The following ECE2 variants were observed in gnomAD, a reference collection of about 807,000 sequenced individuals.
ECE2 encodes endothelin-converting enzyme 2.
A neutral mutation model predicts 100.6 loss-of-function variants in ECE2; 81 were observed. The observed-to-expected ratio is 0.81, with a 90% confidence interval of 0.67 to 0.97. ECE2 has a LOEUF of 0.97. ECE2 is among the 50% of genes least tolerant of loss of function. ECE2 has a pLI of 0.00. For missense variants in ECE2, 911 were observed against 988.1 expected, an observed-to-expected ratio of 0.92 and a Z score of 1.05; for synonymous variants, 391 against 391.5, an observed-to-expected ratio of 1.00 and a Z score of 0.02.
At position 184,285,502 on chromosome 3, in the gene ECE2, G is replaced by A. The variant is rs757330119; in HGVS notation, c.1173G>A (p.Trp391Ter). The A allele has an allele frequency of 1.2e-6, 2 of 1,614,074 alleles. No individual in the cohort carries two copies. The highest frequency in any genetic ancestry group is 1.7e-6 in the Non-Finnish European group (2 of 1,180,012). Residue 391 changes from tryptophan (W) to a stop codon, truncating the protein, a stop_gained, in exon 10 of 19, where the codon TGG becomes TGA. Transcript: ENST00000404464. LOFTEE classifies it high-confidence loss of function. ...EPSILNNYLI[W>*]NLVQKTTSSL... is the part of the protein sequence containing the mutation. ...GCATCCTGAACAATTACCTGATCTG[G>A]AACCTGGTGCAAAAGACAACCTCAA...
In ECE2 at chr3:184,277,407, G is replaced by C. The variant is rs755611900; in HGVS notation, c.419G>C (p.Arg140Pro). Residue 140 changes from arginine to proline, a missense_variant, in exon 4 of 19, where the codon CGC (arginine) becomes CCC (proline). Arg to Pro is a moderately radical substitution (Grantham distance 103). Coordinates refer to ENST00000404464, the MANE Select transcript of ECE2 (RefSeq NM_001100121.2). ...AACCCCCTGCCCGATGGGCGTTCTC[G>C]CTGGAACACCTTCAACAGCCTCTGG... The part of the protein sequence containing the change: ...RRNPLPDGRS[R>P]WNTFNSLWDQ... The C allele has an allele frequency of 2.0e-5, 33 of 1,614,208 alleles. No homozygotes were observed. Among genetic ancestry groups the C allele is most frequent in the Middle Eastern group, 1.6e-4 (1 of 6,062 alleles).
intron 4 of ECE2, among the ~76,000 whole-genome samples, chr3:184,277,692 T>C (rs1720627715): frequency 6.6e-6 from 1 of 150,680 alleles, no homozygotes; most frequent in African/African-American, 2.5e-5. Flanking sequence ...TGCACTCTGT[T>C]TGGAGCACTG....
intron 3 of ECE2, 30 bp from the exon 4 acceptor site, chr3:184,277,221 C>T (rs1490740958): frequency 1.2e-6 from 2 of 1,613,174 alleles, no homozygotes; most frequent in Non-Finnish European, 1.7e-6. Flanking sequence ...CTGACAGTCT[C>T]CTACCCTCCG....
At chr3:184,284,426 C>G (rs919091578) in intron 8 of ECE2, among the ~76,000 whole-genome samples, 12 of 151,662 alleles carry the variant, frequency 7.9e-5, no homozygotes, top group Non-Finnish European at 1.3e-4. Flanking sequence ...CCTGTAATCC[C>G]AGCTACTCGG....
In ECE2 at chr3:184,276,118, CG is replaced by C; in HGVS notation, c.-33del. On this transcript the variant is annotated 5_prime_UTR_variant, in exon 1 of 19. The change abolishes the stop of an existing upstream ORF in the 5' untranslated region. Transcript: ENST00000404464. ...CGCGGCCCGGGAGCGGGCCAGCTGC[CG>C]GGAGCCCTGAATCACCGCCTGGCCC... is the stretch of plus-strand genomic sequence containing the variant. 7.6e-7 allele frequency: 1 copy of C among 1,310,154 alleles called. No individual in the cohort carries two copies. The highest frequency in any genetic ancestry group is 3.7e-5 in the Admixed American group (1 of 26,820). The allele number at this position is 1,310,154 out of a possible 1,614,324, so 81.2% of individuals were successfully genotyped here. A position where few individuals can be genotyped will look rare whatever the true frequency, so the allele number is the denominator to read the frequency against.
At position 184,276,176 on chromosome 3, in the gene ECE2, T is replaced by C; in HGVS notation, c.23T>C (p.Leu8Pro). 6.9e-7 allele frequency: 1 copy of C among 1,443,266 alleles called. No homozygotes were observed. The highest frequency in any genetic ancestry group is 2.8e-5 in the Admixed American group (1 of 36,002). The allele number at this position is 1,443,266 out of a possible 1,614,324, so 89.4% of individuals were successfully genotyped here. A position where few individuals can be genotyped will look rare whatever the true frequency, so the allele number is the denominator to read the frequency against. The change falls in exon 1 of 19, where the codon CTG (leucine) becomes CCG (proline). Residue 8 changes from leucine (L) to proline (P), a missense_variant. Leu to Pro is a moderately conservative substitution (Grantham distance 98). Coordinates refer to ENST00000404464, the MANE Select transcript of ECE2 (RefSeq NM_001100121.2). Reference protein sequence around the residue: MNVALQELGAGSNMVEYK... With the variant: MNVALQEPGAGSNMVEYK... ...ACCATGAACGTCGCGCTGCAGGAGC[T>C]GGGAGCTGGCAGCAACGTGAGTGGG...
chr3:184,283,579 AAAAAAAAAAAAAG>A (rs1391009471), intron 7 of ECE2, among the ~76,000 whole-genome samples, 193 bp from the exon 8 acceptor site: 7 of 147,248 alleles, frequency 4.8e-5, no homozygotes, highest in Admixed American at 6.8e-5. Context: ...AAAAAAAAAA[AAAAAAAAAAAAAG>A]AAGAAGAAGA....
In ECE2 at chr3:184,290,315, A is replaced by G. The variant is rs765130356; in HGVS notation, c.1612A>G (p.Lys538Glu). The G allele has an allele frequency of 3.7e-6, 6 of 1,614,134 alleles. No individual in the cohort carries two copies. Among genetic ancestry groups the G allele is most frequent in the Non-Finnish European group, 4.2e-6 (5 of 1,180,012 alleles). ...GTTGAATTTGTACAACTTCTCTGCC[A>G]AGGTTATGGCTGACCAGCTCCGCAA... ...NMLNLYNFSA[K>E]VMADQLRKPP... Residue 538 changes from lysine to glutamate, a missense_variant, in exon 14 of 19, where the codon AAG becomes GAG. Coordinates refer to ENST00000404464, the MANE Select transcript of ECE2 (RefSeq NM_001100121.2).
At position 184,277,263 on chromosome 3, in the gene ECE2, G is replaced by A. The variant is rs1317142292; in HGVS notation, c.275G>A (p.Ser92Asn). ...TTCCCTACCACAGACCCATCCCACA[G>A]CACCTGCCTTACAGAGGCCTGCATT... ...GVQYHRDPSH[S>N]TCLTEACIRV... The change falls in exon 4 of 19, where the codon AGC becomes AAC. Residue 92 changes from serine to asparagine, a missense_variant. Physicochemically the swap from Ser to Asn is conservative, Grantham distance 46. Transcript: ENST00000404464. The A allele has an allele frequency of 4.3e-6, 7 of 1,614,082 alleles. No homozygotes were observed. The highest frequency in any genetic ancestry group is 5.9e-6 in the Non-Finnish European group (7 of 1,180,048).
chr3:184,285,439 C>A, intron 9 of ECE2, 39 bp from the exon 10 acceptor site: 1 of 1,476,548 alleles, frequency 6.8e-7, no homozygotes, highest in Non-Finnish European at 9.5e-7. Context: ...TGAAGGGCAT[C>A]CCACCTGCCC....
At chr3:184,283,641 G>A in intron 7 of ECE2, 144 bp from the exon 8 acceptor site, 1 of 605,696 alleles carries the variant, frequency 1.7e-6, no homozygotes, top group South Asian at 2.4e-5. Context: ...GGTAAGCAGT[G>A]TGTCAGAAAT....
intron 9 of ECE2, 124 bp from the exon 10 acceptor site, chr3:184,285,353 AC>A (rs1720993562): frequency 5.6e-6 from 5 of 896,990 alleles, no homozygotes; most frequent in Admixed American, 4.9e-5. Flanking sequence ...CCAAAGAGGA[AC>A]CCCGGGACAG....
In ECE2 at chr3:184,276,509, G is replaced by T; in HGVS notation, c.68G>T (p.Arg23Leu). The T allele has an allele frequency of 6.2e-7, 1 of 1,611,084 alleles. No homozygotes were observed. Among genetic ancestry groups the T allele is most frequent in the Non-Finnish European group, 8.5e-7 (1 of 1,179,718 alleles). Residue 23 changes from arginine (R) to leucine (L), a missense_variant, in exon 2 of 19, where the codon CGG (arginine) becomes CTG (leucine). Coordinates refer to ENST00000404464, the MANE Select transcript of ECE2 (RefSeq NM_001100121.2). Reference protein sequence around the residue: ...NMVEYKRATLRDEDAPETPVE... With the variant: ...NMVEYKRATLLDEDAPETPVE... ...GTGGAGTACAAACGGGCCACGCTTCGGGATGAAGACGCACCCGAGACCCCC... is the reference window on the plus strand; with the variant it reads ...GTGGAGTACAAACGGGCCACGCTTCTGGATGAAGACGCACCCGAGACCCCC...
chr3:184,281,387 G>A (rs751302172), intron 7 of ECE2, among the ~76,000 whole-genome samples: 2 of 152,206 alleles, frequency 1.3e-5, no homozygotes, highest in Non-Finnish European at 2.9e-5. Flanking sequence ...TGAAGGGAGA[G>A]GGCTCTACAA....
In ECE2 at chr3:184,277,039, C is replaced by T. The variant is rs1720587390; in HGVS notation, c.262+12C>T. 1 of 1,613,646 alleles carries T rather than the reference C, an allele frequency of 6.2e-7. No homozygotes were observed. Among genetic ancestry groups the T allele is most frequent in the African/African-American group, 1.3e-5 (1 of 74,914 alleles). ...CCAGTACCACAGAGGTAGGTGGGCC[C>T]ACACTCTTCGTCAGTATTCATAACT... On this transcript the variant is annotated intron_variant, in intron 3 of 18. Coordinates refer to ENST00000404464, the MANE Select transcript of ECE2 (RefSeq NM_001100121.2).
rs1312623646 is a variant in ECE2 at position 184,291,558 on chromosome 3, G to GCGTGAATGGGGCTGAGGCTGGGT, written c.2121+120_2121+121insGTGAATGGGGCTGAGGCTGGGTC. 38 of 1,041,036 alleles carry GCGTGAATGGGGCTGAGGCTGGGT rather than the reference G, an allele frequency of 3.7e-5. No homozygotes were observed. The highest frequency in any genetic ancestry group is 5.1e-5 in the Non-Finnish European group (38 of 741,814). 64.5% of individuals were successfully genotyped at this position (1,041,036 alleles called of 1,614,324 possible). ...GCTGGTGAATGGGGCTGAGGCTGGG[G>GCGTGAATGGGGCTGAGGCTGGGT]CATGAAAGGTGGGCTGGGAAGGCCC... On this transcript the variant is annotated intron_variant, in intron 18 of 18. Transcript: ENST00000404464. The surrounding 1 kb of genome is among the most constrained non-coding windows in gnomAD (Gnocchi z 4.1).
chr3:184,289,350 G>A lies in ECE2; in HGVS notation c.1375-87G>A, dbSNP rs1253894898. 8.1e-7 allele frequency: 1 copy of A among 1,235,802 alleles called. No individual in the cohort carries two copies. 76.6% of individuals were successfully genotyped at this position (1,235,802 alleles called of 1,614,324 possible). A position where few individuals can be genotyped will look rare whatever the true frequency, so the allele number is the denominator to read the frequency against. On this transcript the variant is annotated intron_variant, in intron 11 of 18. Coordinates refer to ENST00000404464, the MANE Select transcript of ECE2 (RefSeq NM_001100121.2). The surrounding 1 kb of genome is among the most constrained non-coding windows in gnomAD (Gnocchi z 4.1). Reference sequence around the variant, plus strand: ...CTAGACGTTCCCATTTCCCCTGGGTGGACAGGGATGGGGCACCAAGGGTGG... The same window carrying A: ...CTAGACGTTCCCATTTCCCCTGGGTAGACAGGGATGGGGCACCAAGGGTGG...
rs879023317 is a variant in ECE2 at position 184,283,701 on chromosome 3, T to C, written c.817-84T>C. ...CCAGAAGGATCAAGCAGAAGAGATA[T>C]TGGGCAGAGGTGGTGGTAAGAACAG... On this transcript the variant is annotated intron_variant, in intron 7 of 18. Transcript: ENST00000404464. The C allele has an allele frequency of 6.7e-5, 94 of 1,398,150 alleles. 1 individual carries two copies. In the East Asian group the frequency reaches 2.1e-3, roughly 32 times the overall value. 86.6% of individuals were successfully genotyped at this position (1,398,150 alleles called of 1,614,324 possible).
Position 184,285,536 on chromosome 3 carries a change from CGACGCTTT to C in ECE2, c.1210_1217del (p.Arg404ValfsTer14). ...GCAAAAGACAACCTCAAGCCTGGAC[CGACGCTTT>C]GAGTCTGCACAAGAGAAGCTGCTGG... On this transcript the variant is annotated frameshift_variant, in exon 10 of 19. Transcript: ENST00000404464. LOFTEE classifies it high-confidence loss of function. The C allele has an allele frequency of 6.2e-7, 1 of 1,614,138 alleles. No homozygotes were observed. The highest frequency in any genetic ancestry group is 8.5e-7 in the Non-Finnish European group (1 of 1,180,046).
Sources: gnomAD v4.1 joint callset for allele counts (sites outside exome capture counted in the v4.1 genomes callset) on GRCh38, gnomAD v4.1.1 for gene constraint, Gnocchi (gnomAD v3.1) non-coding constraint, MANE v1.5 for transcripts, NCBI Gene and HGNC (gene_info 2026-07-23, HGNC 2026-07-21) for gene names.